Variants in XXYLT1 observed in about 807,000 individuals in gnomAD.
XXYLT1 encodes the protein UDP-xylose:alpha-xyloside alpha-1,3-xylosyltransferase.
XXYLT1 carries 20 observed loss-of-function variants against 28.9 expected under a neutral mutation model. That is an observed-to-expected ratio of 0.69 (90% CI 0.49 to 1.00). XXYLT1 has a LOEUF of 1.00. Ranked by LOEUF, XXYLT1 falls within the 50% of genes least tolerant of loss-of-function variation. XXYLT1 has a pLI of 0.00. For missense variants in XXYLT1, 542 were observed against 560.1 expected, an observed-to-expected ratio of 0.97 and a Z score of 0.33; for synonymous variants, 257 against 253.8, an observed-to-expected ratio of 1.01 and a Z score of -0.12.
rs1722932944 is a variant in XXYLT1 at position 195,203,282 on chromosome 3, G to A, written c.652+23427C>T. On this transcript the variant is annotated intron_variant, in intron 2 of 3. Transcript: ENST00000310380. ...GAAAAATGGGCTAAGGGCATAAAGAGTTCATAGAAAAGAAATTCAGTGATT... is the reference window on the plus strand; with the variant it reads ...GAAAAATGGGCTAAGGGCATAAAGAATTCATAGAAAAGAAATTCAGTGATT... Among the ~76,000 whole-genome samples, 3 of 152,178 alleles carry A rather than the reference G, an allele frequency of 2.0e-5. No homozygotes were observed. In the South Asian group the frequency reaches 6.2e-4, roughly 32 times the overall value.
rs1725491554 is a variant in XXYLT1, at chr3:195,256,688, C to T, written c.504+13867G>A. The T allele has an allele frequency of 1.7e-6, 1 of 601,532 alleles. No homozygotes were observed. The highest frequency in any genetic ancestry group is 2.1e-6 in the Non-Finnish European group (1 of 479,436). The allele number at this position is 601,532 out of a possible 1,614,324, so 37.3% of individuals were successfully genotyped here. The stretch of plus-strand genomic sequence containing the variant: ...ACTCAGAGCCGGAGCGTCCCCACTC[C>T]TCTTATGATGAGAAACTGAGGCAAA... On this transcript the variant is annotated intron_variant, in intron 1 of 3. Transcript: ENST00000310380. The surrounding 1 kb of genome is among the most constrained non-coding windows in gnomAD (Gnocchi z 4.2).
At chr3:195,231,738 G>A (rs998358574) in intron 1 of XXYLT1, among the ~76,000 whole-genome samples, 9 of 150,738 alleles carry the variant, frequency 6.0e-5, no homozygotes, top group Middle Eastern at 3.4e-3. Flanking sequence ...AATTCCACTT[G>A]GTCATGATGA....
At position 195,076,697 on chromosome 3, in the gene XXYLT1, C is replaced by A. The variant is rs1715141407; in HGVS notation, c.786-6586G>T. On this transcript the variant is annotated intron_variant, in intron 3 of 3. Transcript: ENST00000310380. The surrounding 1 kb of genome is among the most constrained non-coding windows in gnomAD (Gnocchi z 5.3). ...TCTGGGCTAGGAGGGAGGGTCTGTTCCAGGCGCTCCCCTCGCTCCTGGTGG... is the reference window on the plus strand; with the variant it reads ...TCTGGGCTAGGAGGGAGGGTCTGTTACAGGCGCTCCCCTCGCTCCTGGTGG... Among the ~76,000 whole-genome samples the A allele has an allele frequency of 6.6e-6, 1 of 152,152 alleles. No homozygotes were observed. The highest frequency in any genetic ancestry group is 2.1e-4 in the South Asian group (1 of 4,828).
chr3:195,266,049 A>G (rs913278146), intron 1 of XXYLT1, among the ~76,000 whole-genome samples: 1 of 152,202 alleles, frequency 6.6e-6, no homozygotes, highest in South Asian at 2.1e-4. Flanking sequence ...CACTTGACAG[A>G]AAGACAACAG....
chr3:195,122,129 C>T (rs1429712091), intron 3 of XXYLT1: 1 of 703,034 alleles, frequency 1.4e-6, no homozygotes, highest in Non-Finnish European at 2.6e-6. Context: ...CCAGTCTCCT[C>T]ATATGGTGAA....
At chr3:195,104,974 A>C (rs1011253836) in intron 3 of XXYLT1, among the ~76,000 whole-genome samples, 1 of 152,246 alleles carries the variant, frequency 6.6e-6, no homozygotes, top group Non-Finnish European at 1.5e-5. Flanking sequence ...TTGGAGACCA[A>C]CAGTATTGGG....
intron 2 of XXYLT1, among the ~76,000 whole-genome samples, chr3:195,165,764 A>C (rs1476620475): frequency 6.6e-6 from 1 of 152,134 alleles, no homozygotes. Context: ...AAGATGGACG[A>C]TCTATCATCA....
chr3:195,212,665 G>A (rs1300387882), intron 2 of XXYLT1, among the ~76,000 whole-genome samples: 1 of 152,200 alleles, frequency 6.6e-6, no homozygotes, highest in Non-Finnish European at 1.5e-5. Context: ...GAGGGATCTA[G>A]GCTGCATGCT....
intron 3 of XXYLT1, among the ~76,000 whole-genome samples, chr3:195,144,903 G>A (rs1047124584): frequency 6.6e-6 from 1 of 152,190 alleles, no homozygotes; most frequent in African/African-American, 2.4e-5. Context: ...GAAGGTACCG[G>A]CAGAAGAAAT....
At chr3:195,157,027 G>A (rs923720149) in intron 2 of XXYLT1, among the ~76,000 whole-genome samples, 4 of 152,098 alleles carry the variant, frequency 2.6e-5, no homozygotes, top group Non-Finnish European at 4.4e-5. Flanking sequence ...GGTAGATCAC[G>A]AGGTCAGGAG....
intron 2 of XXYLT1, among the ~76,000 whole-genome samples, chr3:195,171,969 C>T (rs1721430487): frequency 6.6e-6 from 1 of 152,144 alleles, no homozygotes; most frequent in Non-Finnish European, 1.5e-5. Flanking sequence ...TAAAGCCAGG[C>T]GTTAATTGTG....
intron 2 of XXYLT1, among the ~76,000 whole-genome samples, chr3:195,204,671 G>GT (rs1465735282): frequency 6.6e-6 from 1 of 152,206 alleles, no homozygotes; most frequent in East Asian, 1.9e-4. Flanking sequence ...GGCAACTCAA[G>GT]TATCTCACTA....
chr3:195,159,449 C>A (rs1267032569), intron 2 of XXYLT1, among the ~76,000 whole-genome samples: 1 of 152,168 alleles, frequency 6.6e-6, no homozygotes, highest in Non-Finnish European at 1.5e-5. Flanking sequence ...CAACCCACTC[C>A]CAACACAGGC....
At chr3:195,170,259 T>C (rs1721343470) in intron 2 of XXYLT1, among the ~76,000 whole-genome samples, 1 of 152,246 alleles carries the variant, frequency 6.6e-6, no homozygotes, top group African/African-American at 2.4e-5. Context: ...TAAAGTATTT[T>C]TCATGTTTCC....
At chr3:195,092,419 G>A (rs532970154) in intron 3 of XXYLT1, among the ~76,000 whole-genome samples, 1 of 149,536 alleles carries the variant, frequency 6.7e-6, no homozygotes, top group South Asian at 2.2e-4. Context: ...ACAAAAACAA[G>A]TAATGGGGAA....
chr3:195,249,379 C>T (rs955487968), intron 1 of XXYLT1, among the ~76,000 whole-genome samples: 1 of 152,232 alleles, frequency 6.6e-6, no homozygotes, highest in African/African-American at 2.4e-5. Context: ...GCATACGGCT[C>T]ACATCAGCAC....
At chr3:195,220,839 T>C (rs922248182) in intron 2 of XXYLT1, among the ~76,000 whole-genome samples, 1 of 152,188 alleles carries the variant, frequency 6.6e-6, no homozygotes, top group African/African-American at 2.4e-5. Flanking sequence ...CATGTGACCT[T>C]TGAAAAGTGA....
intron 3 of XXYLT1, among the ~76,000 whole-genome samples, chr3:195,113,872 TGAA>T (rs1455619484): frequency 6.6e-6 from 1 of 152,108 alleles, no homozygotes; most frequent in African/African-American, 2.4e-5. Context: ...AAGAATGCTA[TGAA>T]GAAGGGGTGT....
At chr3:195,167,829 G>C (rs1721204804) in intron 2 of XXYLT1, among the ~76,000 whole-genome samples, 1 of 152,134 alleles carries the variant, frequency 6.6e-6, no homozygotes, top group South Asian at 2.1e-4. Flanking sequence ...AGGGGAACTG[G>C]ACAAGGCAGA....
Sources: gnomAD v4.1 joint callset for allele counts (sites outside exome capture counted in the v4.1 genomes callset) on GRCh38, gnomAD v4.1.1 for gene constraint, Gnocchi (gnomAD v3.1) non-coding constraint, MANE v1.5 for transcripts, NCBI Gene and HGNC (gene_info 2026-07-23, HGNC 2026-07-21) for gene names.